Variants in GBP2 observed in about 807,000 individuals in gnomAD.
GBP2 encodes guanylate-binding protein 2.
Under a neutral mutation model 60.8 loss-of-function variants are expected in GBP2, and 54 were observed. The ratio of observed to expected loss-of-function variants is 0.89; its 90% CI spans 0.71 to 1.11. GBP2 has a LOEUF of 1.11. Ranked by LOEUF, GBP2 falls within the 50% of genes most tolerant of loss-of-function variation. The pLI is 0.00. For missense variants in GBP2, 665 were observed against 703.3 expected (o/e 0.95, Z 0.62); for synonymous variants, 243 against 256.5 (o/e 0.95, Z 0.50).
intron 1 of GBP2, 63 bp downstream of exon 1, chr1:89,125,800 G>A (rs774320142): frequency 1.3e-5 from 2 of 152,148 alleles, no homozygotes; most frequent in Non-Finnish European, 2.9e-5. Flanking sequence ...TTGTGGGAAT[G>A]GTCAATTTAG....
In GBP2 at chr1:89,121,275, A is replaced by G. The variant is rs776512292; in HGVS notation, c.191-5T>C. On this transcript the variant is annotated splice_region_variant and splice_polypyrimidine_tract_variant and intron_variant, in intron 2 of 10. Coordinates refer to ENST00000370466, the MANE Select transcript of GBP2 (RefSeq NM_004120.5). ...CTGTGGAGCCTAGAGAGAAGCCTGT[A>G]GAAGGAGAGGATAAAAGGGAAAAGA... is the stretch of plus-strand genomic sequence containing the variant. The G allele has an allele frequency of 3.1e-6, 5 of 1,596,282 alleles. No homozygotes were observed. The Admixed American group carries it at 8.7e-5, about 28-fold the overall frequency.
At chr1:89,109,897 G>T in intron 9 of GBP2, 27 bp from the exon 10 acceptor site, 8 of 1,583,994 alleles carry the variant, frequency 5.1e-6, no homozygotes, top group Non-Finnish European at 5.2e-6. Context: ...AGCAGAAAAA[G>T]ATATGAATAT....
intron 3 of GBP2, 27 bp from the exon 4 acceptor site, chr1:89,120,315 G>A (rs1314098735): frequency 2.0e-6 from 3 of 1,524,276 alleles, no homozygotes; most frequent in Admixed American, 1.7e-5. Context: ...AAGCCACAAA[G>A]AAGAATGACT....
rs555842930 is a variant in GBP2, at chr1:89,126,001, A to C, written c.-156T>G. 1 of 152,082 alleles carries C rather than the reference A, an allele frequency of 6.6e-6. No homozygotes were observed. The highest frequency in any genetic ancestry group is 1.5e-5 in the Non-Finnish European group (1 of 68,002). The allele number at this position is 152,082 out of a possible 1,614,324, so 9.4% of individuals were successfully genotyped here. On this transcript the variant is annotated 5_prime_UTR_variant, in exon 1 of 11. Transcript: ENST00000370466. The stretch of plus-strand genomic sequence containing the variant: ...TCTCTCACGGTAACTGTGGACTTTT[A>C]CTTTACCCCTCCAACGTCCTGGGGC...
In GBP2 at chr1:89,109,804, T is replaced by A. The variant is rs368059150; in HGVS notation, c.1532A>T (p.Asn511Ile). 8.1e-6 allele frequency: 13 copies of A among 1,614,080 alleles called. No homozygotes were observed. The highest frequency in any genetic ancestry group is 1.1e-5 in the Non-Finnish European group (13 of 1,179,970). Reference protein sequence around the residue: ...KKMLEEIQKKNEEMMEQKEKS... With the variant: ...KKMLEEIQKKIEEMMEQKEKS... ...CTCTTTCTGTTCCATCATCTCCTCA[T>A]TCTTCTTTTGTATTTCCTCCAACAT... Residue 511 changes from asparagine to isoleucine, a missense_variant, in exon 10 of 11, where the codon AAT (asparagine) becomes ATT (isoleucine). Coordinates refer to ENST00000370466, the MANE Select transcript of GBP2 (RefSeq NM_004120.5).
chr1:89,110,575 G>A (rs191790183), intron 8 of GBP2, among the ~76,000 whole-genome samples: 8 of 152,274 alleles, frequency 5.3e-5, no homozygotes, highest in African/African-American at 1.7e-4. Flanking sequence ...CAACCTGGAT[G>A]GAACTGCAGA....
rs1681071062 is a variant in GBP2 at position 89,107,020 on chromosome 1, C to T, written c.*1155G>A. The stretch of plus-strand genomic sequence containing the variant: ...TCGGTGGAATAGCTGTAGAGTATGG[C>T]TCCCTCACAATTCTGGAGCATCGGT... On this transcript the variant is annotated 3_prime_UTR_variant, in exon 11 of 11. Coordinates refer to ENST00000370466, the MANE Select transcript of GBP2 (RefSeq NM_004120.5). 1 of 152,134 alleles carries T rather than the reference C, an allele frequency of 6.6e-6. No homozygotes were observed. Among genetic ancestry groups the T allele is most frequent in the African/African-American group, 2.4e-5 (1 of 41,414 alleles). 9.4% of individuals were successfully genotyped at this position (152,134 alleles called of 1,614,324 possible).
rs763248739 is a variant in GBP2 at position 89,114,131 on chromosome 1, G to T, written c.1034C>A (p.Thr345Lys). 2.5e-6 allele frequency: 4 copies of T among 1,614,042 alleles called. No homozygotes were observed. The African/African-American group carries it at 4.0e-5, about 16-fold the overall frequency. ...QQMGQKVQLP[T>K]ETLQELLDLH... ...GTCCAGCAGCTCCTGGAGGGTTTCC[G>T]TGGGCAGCTGCACCTTCTGGCCCAT... Residue 345 changes from threonine to lysine, a missense_variant, in exon 7 of 11, where the codon ACG becomes AAG. Thr to Lys is a moderately conservative substitution (Grantham distance 78). Transcript: ENST00000370466.
rs542437648 is a variant in GBP2 at position 89,107,691 on chromosome 1, C to T, written c.*484G>A. 2.4e-4 allele frequency among the ~76,000 whole-genome samples: 37 copies of T among 152,292 alleles called. No individual in the cohort carries two copies. The highest frequency in any genetic ancestry group is 8.3e-4 in the South Asian group (4 of 4,820). On this transcript the variant is annotated 3_prime_UTR_variant, in exon 11 of 11. Coordinates refer to ENST00000370466, the MANE Select transcript of GBP2 (RefSeq NM_004120.5). ...AAGACCACTTGGCAGGAGTGATGCT[C>T]TACTGTGCCCCATGGTTTGTTTGGT...
chr1:89,121,479 G>T (rs1317572681), intron 2 of GBP2, among the ~76,000 whole-genome samples: 1 of 152,122 alleles, frequency 6.6e-6, no homozygotes, highest in Admixed American at 6.5e-5. Context: ...AAAGCTTGCT[G>T]TCACTACATG....
chr1:89,107,027 A>T lies in GBP2; in HGVS notation c.*1148T>A, dbSNP rs1570313698. On this transcript the variant is annotated 3_prime_UTR_variant, in exon 11 of 11. Transcript: ENST00000370466. The stretch of plus-strand genomic sequence containing the variant: ...AATAGCTGTAGAGTATGGCTCCCTC[A>T]CAATTCTGGAGCATCGGTGTGCAAC... 6.6e-6 allele frequency: 1 copy of T among 152,188 alleles called. No homozygotes were observed. The highest frequency in any genetic ancestry group is 6.5e-5 in the Admixed American group (1 of 15,278). 9.4% of individuals were successfully genotyped at this position (152,188 alleles called of 1,614,324 possible).
chr1:89,121,047 T>G, intron 3 of GBP2, 96 bp downstream of exon 3: 1 of 826,046 alleles, frequency 1.2e-6, no homozygotes, highest in Non-Finnish European at 1.9e-6. Context: ...AATCAAGGAG[T>G]AGGAGTGATT....
chr1:89,109,435 C>A (rs115840304), intron 10 of GBP2, among the ~76,000 whole-genome samples: 1 of 152,150 alleles, frequency 6.6e-6, no homozygotes, highest in Admixed American at 6.5e-5. Flanking sequence ...ATGTAAAATA[C>A]TTGTGCAGTG....
chr1:89,123,427 A>G (rs1474739949), intron 1 of GBP2, among the ~76,000 whole-genome samples: 4 of 152,224 alleles, frequency 2.6e-5, no homozygotes, highest in Admixed American at 6.5e-5. Flanking sequence ...AATTCAACAA[A>G]ACAAAACTTA....
chr1:89,114,012 A>T lies in GBP2; in HGVS notation c.1149+4T>A, dbSNP rs1383538759. The T allele has an allele frequency of 1.2e-6, 2 of 1,614,022 alleles. No individual in the cohort carries two copies. Among genetic ancestry groups the T allele is most frequent in the African/African-American group, 2.7e-5 (2 of 74,932 alleles). The stretch of plus-strand genomic sequence containing the variant: ...CCTCTCATGACGTAGAACACCAAAT[A>T]TACCCCTAATTTCCTCTGGAACATT... On this transcript the variant is annotated splice_donor_region_variant and intron_variant, in intron 7 of 10. Transcript: ENST00000370466.
intron 9 of GBP2, 118 bp downstream of exon 9, chr1:89,110,046 G>T: frequency 1.1e-6 from 1 of 950,390 alleles, no homozygotes; most frequent in Non-Finnish European, 1.6e-6. Context: ...AACTCTCATA[G>T]AACTATGAAT....
chr1:89,109,586 G>T, intron 10 of GBP2, 91 bp downstream of exon 10: 1 of 1,148,604 alleles, frequency 8.7e-7, no homozygotes, highest in Non-Finnish European at 1.3e-6. Context: ...GGGCTAGAAA[G>T]TTTTTTTGGG....
Position 89,106,966 on chromosome 1 carries a change from G to A in GBP2, c.*1209C>T, listed in dbSNP as rs1386769318. The A allele has an allele frequency of 1.3e-5, 2 of 152,178 alleles. No individual in the cohort carries two copies. The highest frequency in any genetic ancestry group is 2.4e-5 in the African/African-American group (1 of 41,442). 9.4% of individuals were successfully genotyped at this position (152,178 alleles called of 1,614,324 possible). A position where few individuals can be genotyped will look rare whatever the true frequency, so the allele number is the denominator to read the frequency against. ...CATGGTAGCTGTGTTGTTTTCCCGT[G>A]AGATGCCTTTACAATGGTAGTATTA... On this transcript the variant is annotated 3_prime_UTR_variant, in exon 11 of 11. Transcript: ENST00000370466.
rs1250087183 is a variant in GBP2 at position 89,107,725 on chromosome 1, A to G, written c.*450T>C. On this transcript the variant is annotated 3_prime_UTR_variant, in exon 11 of 11. Coordinates refer to ENST00000370466, the MANE Select transcript of GBP2 (RefSeq NM_004120.5). ...CCCATGGTTTGTTTGGTCTCATCAC[A>G]TTTTCATCATATTCACAACACTTCA... 3.3e-5 allele frequency among the ~76,000 whole-genome samples: 5 copies of G among 152,110 alleles called. No homozygotes were observed. The highest frequency in any genetic ancestry group is 7.2e-5 in the African/African-American group (3 of 41,416).
Sources: gnomAD v4.1 joint callset for allele counts (sites outside exome capture counted in the v4.1 genomes callset) on GRCh38, gnomAD v4.1.1 for gene constraint, MANE v1.5 for transcripts, NCBI Gene and HGNC (gene_info 2026-07-23, HGNC 2026-07-21) for gene names.